Variants in RAB3C observed in about 807,000 individuals in gnomAD.
The protein encoded by RAB3C is RAB3C, member RAS oncogene family.
In RAB3C, 17 loss-of-function variants were observed where a neutral mutation model predicts 26.4. That is an observed-to-expected ratio of 0.64 (90% confidence interval 0.44 to 0.97). The LOEUF is 0.97. Ranked by LOEUF, RAB3C falls within the 50% of genes least tolerant of loss-of-function variation. The pLI, the probability that RAB3C is intolerant of heterozygous loss-of-function variation, is 0.00. For synonymous variants in RAB3C, 91 were observed against 95.9 expected, an observed-to-expected ratio of 0.95 and a Z score of 0.30; for missense variants, 242 against 281.9, an observed-to-expected ratio of 0.86 and a Z score of 1.01.
intron 3 of RAB3C, among the ~76,000 whole-genome samples, chr5:58,736,278 T>G (rs1741132720): frequency 6.6e-6 from 1 of 152,132 alleles, no homozygotes; most frequent in Non-Finnish European, 1.5e-5. Context: ...TTCCCTAATT[T>G]TAATAGTAAA....
chr5:58,846,585 G>A (rs1396039160), intron 4 of RAB3C, among the ~76,000 whole-genome samples: 4 of 151,992 alleles, frequency 2.6e-5, no homozygotes, highest in Non-Finnish European at 4.4e-5. Flanking sequence ...TACTATGTAG[G>A]CCAGGTTGGT....
rs1285737780 is a variant in RAB3C at position 58,852,409 on chromosome 5, G to A, written c.*1058G>A. The A allele has an allele frequency of 6.6e-6, 1 of 152,124 alleles. No homozygotes were observed. Among genetic ancestry groups the A allele is most frequent in the Non-Finnish European group, 1.5e-5 (1 of 68,034 alleles). 9.4% of individuals were successfully genotyped at this position (152,124 alleles called of 1,614,324 possible). A position where few individuals can be genotyped will look rare whatever the true frequency, so the allele number is the denominator to read the frequency against. On this transcript the variant is annotated 3_prime_UTR_variant, in exon 5 of 5. Transcript: ENST00000282878. ...AAACCTCAGCTAAGTTCTTTTACCT[G>A]TTTAGATGCTATTTAAATCAGATTT...
intron 3 of RAB3C, among the ~76,000 whole-genome samples, chr5:58,736,605 T>C (rs1043689882): frequency 1.3e-5 from 2 of 152,242 alleles, no homozygotes; most frequent in Non-Finnish European, 2.9e-5. Flanking sequence ...GTGCAGCCCA[T>C]TGAAAACATC....
intron 2 of RAB3C, among the ~76,000 whole-genome samples, chr5:58,627,728 T>A (rs1170413487): frequency 1.3e-5 from 2 of 152,194 alleles, no homozygotes; most frequent in East Asian, 1.9e-4. Flanking sequence ...AACAGCGAGA[T>A]AAGAGATAGC....
At chr5:58,718,246 C>G (rs1241671454) in intron 2 of RAB3C, among the ~76,000 whole-genome samples, 1 of 152,068 alleles carries the variant, frequency 6.6e-6, no homozygotes, top group Non-Finnish European at 1.5e-5. Context: ...TCTTAGAAAA[C>G]AAGCACTGAA....
chr5:58,825,190 G>T, intron 4 of RAB3C, 28 bp downstream of exon 4: 1 of 1,599,712 alleles, frequency 6.3e-7, no homozygotes, highest in Non-Finnish European at 8.5e-7. Context: ...AAGTTAAAAA[G>T]AAAGATAATT....
At chr5:58,645,957 C>T (rs1747507956) in intron 2 of RAB3C, among the ~76,000 whole-genome samples, 1 of 152,208 alleles carries the variant, frequency 6.6e-6, no homozygotes, top group Admixed American at 6.5e-5. Flanking sequence ...ATGTCGTTCA[C>T]ATTCAGTGTT....
At chr5:58,742,382 T>C (rs1371067912) in intron 3 of RAB3C, among the ~76,000 whole-genome samples, 2 of 151,970 alleles carry the variant, frequency 1.3e-5, no homozygotes, top group African/African-American at 4.8e-5. Flanking sequence ...GCAACAAATA[T>C]TTTGACCTCC....
At position 58,634,032 on chromosome 5, in the gene RAB3C, T is replaced by C. The variant is rs539451372; in HGVS notation, c.252+16162T>C. ...GGCTGGTGCCTGTAGTCCCAGCTAC[T>C]CAGGAGGCTGAGGCAGGAGAATGGC... On this transcript the variant is annotated intron_variant, in intron 2 of 4. Transcript: ENST00000282878. 2.3e-4 allele frequency among the ~76,000 whole-genome samples: 34 copies of C among 151,008 alleles called. No homozygotes were observed. In the South Asian group the frequency reaches 5.9e-3, roughly 26 times the overall value.
intron 1 of RAB3C, among the ~76,000 whole-genome samples, chr5:58,597,548 A>G (rs933176537): frequency 1.1e-4 from 13 of 118,622 alleles, no homozygotes; most frequent in African/African-American, 4.0e-4. Context: ...GCATATAACA[A>G]TATATAGTTC....
chr5:58,777,577 T>G (rs1742172399), intron 3 of RAB3C, among the ~76,000 whole-genome samples: 1 of 151,986 alleles, frequency 6.6e-6, no homozygotes, highest in South Asian at 2.1e-4. Flanking sequence ...TGGGAATTTC[T>G]TGAAAGGAAA....
chr5:58,596,738 A>AAATATAT (rs1746276359), intron 1 of RAB3C, among the ~76,000 whole-genome samples: 1 of 74,452 alleles, frequency 1.3e-5, no homozygotes, highest in Non-Finnish European at 2.4e-5. Flanking sequence ...CATAATATAT[A>AAATATAT]AATATATAAT....
At chr5:58,828,212 C>T (rs1268142719) in intron 4 of RAB3C, among the ~76,000 whole-genome samples, 1 of 152,158 alleles carries the variant, frequency 6.6e-6, no homozygotes, top group Non-Finnish European at 1.5e-5. Flanking sequence ...GACAAATAAC[C>T]CTACCTTCTA....
intron 2 of RAB3C, among the ~76,000 whole-genome samples, chr5:58,676,664 GC>G: frequency 6.6e-6 from 1 of 152,178 alleles, no homozygotes; most frequent in Admixed American, 6.5e-5. Context: ...AGCATGTCCT[GC>G]ATTGATGACC....
chr5:58,750,105 T>C (rs947886516), intron 3 of RAB3C, among the ~76,000 whole-genome samples: 1 of 152,196 alleles, frequency 6.6e-6, no homozygotes, highest in Non-Finnish European at 1.5e-5. Context: ...TTTTAACCTG[T>C]ATCAAACAAT....
chr5:58,820,529 A>T (rs1210157763), intron 3 of RAB3C, among the ~76,000 whole-genome samples: 1 of 152,174 alleles, frequency 6.6e-6, no homozygotes, highest in African/African-American at 2.4e-5. Context: ...TCAATCATAA[A>T]ATTAACCAAC....
chr5:58,627,842 C>T (rs1747092086), intron 2 of RAB3C, among the ~76,000 whole-genome samples: 1 of 152,130 alleles, frequency 6.6e-6, no homozygotes. Flanking sequence ...TCTGGAGCAA[C>T]TAAATCAATT....
At chr5:58,611,222 G>A (rs911831330) in intron 1 of RAB3C, among the ~76,000 whole-genome samples, 4 of 149,698 alleles carry the variant, frequency 2.7e-5, no homozygotes, top group African/African-American at 4.9e-5. Context: ...ATAGAACAAT[G>A]TCTGGTCCTT....
At chr5:58,680,752 G>A (rs1446510828) in intron 2 of RAB3C, among the ~76,000 whole-genome samples, 1 of 152,046 alleles carries the variant, frequency 6.6e-6, no homozygotes, top group Non-Finnish European at 1.5e-5. Flanking sequence ...TGACCTTCCG[G>A]TATCCTTCTT....
Sources: gnomAD v4.1 joint callset for allele counts (sites outside exome capture counted in the v4.1 genomes callset) on GRCh38, gnomAD v4.1.1 for gene constraint, MANE v1.5 for transcripts, NCBI Gene and HGNC (gene_info 2026-07-23, HGNC 2026-07-21) for gene names.